RIMS2: variants seen among roughly 807,000 people sequenced by gnomAD.
RIMS2 encodes regulating synaptic membrane exocytosis 2, also known as regulating synaptic membrane exocytosis protein 2.
A neutral mutation model predicts 174.4 loss-of-function variants in RIMS2; 59 were observed. That is an observed-to-expected ratio of 0.34 (90% CI 0.27 to 0.42). The LOEUF (loss-of-function observed/expected upper bound fraction) is 0.42. RIMS2 is among the 10% of genes least tolerant of loss of function. RIMS2 has a pLI of 1.00. For missense variants in RIMS2, 1,620 were observed against 1,666.3 expected, an observed-to-expected ratio of 0.97 and a Z score of 0.48; for synonymous variants, 606 against 572.5, an observed-to-expected ratio of 1.06 and a Z score of -0.84.
At chr8:104,201,500 CAT>C (rs1469587163) in intron 19 of RIMS2, among the ~76,000 whole-genome samples, 3 of 152,020 alleles carry the variant, frequency 2.0e-5, no homozygotes, top group African/African-American at 7.2e-5. Flanking sequence ...AATTCGGCAT[CAT>C]AGATTTAAAT....
intron 19 of RIMS2, chr8:104,094,417 T>A (rs1202698494): frequency 1.8e-6 from 1 of 567,198 alleles, no homozygotes; most frequent in Non-Finnish European, 3.1e-6. Flanking sequence ...AAGTGTTTTT[T>A]CTTGACTTTC....
chr8:103,754,562 C>G (rs769671440), intron 2 of RIMS2, among the ~76,000 whole-genome samples: 3 of 152,112 alleles, frequency 2.0e-5, no homozygotes, highest in Non-Finnish European at 2.9e-5. Context: ...GTGTGGGAGT[C>G]TAAGTCTCTT....
At chr8:103,666,975 CAAACA>C (rs2096678588) in intron 1 of RIMS2, among the ~76,000 whole-genome samples, 1 of 152,056 alleles carries the variant, frequency 6.6e-6, no homozygotes, top group Admixed American at 6.6e-5. Context: ...TGACTGTATG[CAAACA>C]TTTAAAACTT....
chr8:104,097,721 G>A (rs1057284632), intron 19 of RIMS2, among the ~76,000 whole-genome samples: 1 of 152,102 alleles, frequency 6.6e-6, no homozygotes, highest in African/African-American at 2.4e-5. Context: ...TTTTGGAGCA[G>A]TTAGGATTTT....
At chr8:103,703,988 C>T (rs575588232) in intron 2 of RIMS2, among the ~76,000 whole-genome samples, 1 of 151,814 alleles carries the variant, frequency 6.6e-6, no homozygotes, top group African/African-American at 2.4e-5. Context: ...ATTTCTGTTG[C>T]CTAATTGCTT....
intron 3 of RIMS2, among the ~76,000 whole-genome samples, chr8:103,850,496 T>C (rs1410747714): frequency 2.6e-5 from 4 of 152,010 alleles, no homozygotes. Flanking sequence ...AACTGTCTGA[T>C]AGGAAGGATC....
chr8:103,583,945 A>G (rs186346291), intron 1 of RIMS2, among the ~76,000 whole-genome samples: 2 of 152,314 alleles, frequency 1.3e-5, no homozygotes, highest in African/African-American at 2.4e-5. Context: ...CTATAGAAAG[A>G]TATTATATCC....
chr8:103,671,833 C>T (rs1046135848), intron 1 of RIMS2, among the ~76,000 whole-genome samples: 1 of 152,122 alleles, frequency 6.6e-6, no homozygotes, highest in African/African-American at 2.4e-5. Context: ...ATAACGTATT[C>T]ATGAAAATAT....
chr8:104,038,394 G>A (rs1002773452), intron 19 of RIMS2, among the ~76,000 whole-genome samples: 3 of 151,804 alleles, frequency 2.0e-5, no homozygotes, highest in African/African-American at 7.2e-5. Flanking sequence ...CCTAAAAGAG[G>A]GAATACTTTT....
chr8:103,688,653 GT>G (rs2096972501), intron 1 of RIMS2, among the ~76,000 whole-genome samples: 1 of 151,912 alleles, frequency 6.6e-6, no homozygotes, highest in Non-Finnish European at 1.5e-5. Context: ...CTTCTATTCA[GT>G]TTTTTGGAAG....
intron 19 of RIMS2, among the ~76,000 whole-genome samples, chr8:104,100,984 TTATATAG>T (rs2097875500): frequency 1.5e-5 from 2 of 132,444 alleles, no homozygotes; most frequent in South Asian, 2.2e-4. Context: ...ATATGATATA[TTATATAG>T]TATATGTTAT....
At chr8:103,594,754 G>A (rs1171236117) in intron 1 of RIMS2, among the ~76,000 whole-genome samples, 1 of 151,748 alleles carries the variant, frequency 6.6e-6, no homozygotes, top group Non-Finnish European at 1.5e-5. Flanking sequence ...GACAAAGAAA[G>A]AAAATATAGA....
At chr8:104,214,294 A>G (rs1301979822) in intron 19 of RIMS2, among the ~76,000 whole-genome samples, 1 of 152,234 alleles carries the variant, frequency 6.6e-6, no homozygotes, top group Admixed American at 6.5e-5. Context: ...CTGTCTTGTT[A>G]GACGTGAGCC....
chr8:103,870,938 T>C (rs572401030), intron 3 of RIMS2, among the ~76,000 whole-genome samples: 1 of 152,234 alleles, frequency 6.6e-6, no homozygotes, highest in South Asian at 2.1e-4. Context: ...TTCAGAATGC[T>C]TGTCATGTTT....
At chr8:104,235,074 G>A (rs1031089090) in intron 19 of RIMS2, among the ~76,000 whole-genome samples, 1 of 152,048 alleles carries the variant, frequency 6.6e-6, no homozygotes, top group Non-Finnish European at 1.5e-5. Context: ...TTTTCATGAA[G>A]TCAGAATTTA....
rs78649000 is a variant in RIMS2, at chr8:103,929,406, G to A, written c.2244+1517G>A. 9.7e-3 allele frequency among the ~76,000 whole-genome samples: 1,478 copies of A among 151,620 alleles called. 19 individuals are homozygous for A. Among genetic ancestry groups the A allele is most frequent in the South Asian group, 0.046 (222 of 4,808 alleles). On this transcript the variant is annotated intron_variant, in intron 11 of 23. Coordinates refer to ENST00000504942, the Ensembl canonical transcript of RIMS2. The stretch of plus-strand genomic sequence containing the variant: ...AAGTACTTAGTTTAACCCCCCAAAA[G>A]GTTCTCATAGAAATCAATAATTTGC...
chr8:103,985,473 CAAAAAAAAAAAAAAAAAAA>C (rs58750334), intron 16 of RIMS2, among the ~76,000 whole-genome samples: 34 of 36,162 alleles, frequency 9.4e-4, no homozygotes, highest in Non-Finnish European at 1.3e-3. Context: ...GACTCTGTCT[CAAAAAAAAAAAAAAAAAAA>C]AAAAAAAAAA....
chr8:103,892,237 T>C (rs1352883803), intron 4 of RIMS2, among the ~76,000 whole-genome samples: 2 of 151,764 alleles, frequency 1.3e-5, no homozygotes, highest in African/African-American at 4.8e-5. Context: ...AGGGTCTCAC[T>C]CTGTTATCCA....
intron 6 of RIMS2, among the ~76,000 whole-genome samples, chr8:103,912,629 A>ATG (rs2075893700): frequency 6.6e-6 from 1 of 152,116 alleles, no homozygotes; most frequent in East Asian, 1.9e-4. Context: ...GTGTGTGTGC[A>ATG]TGTGTATGTG....
Sources: allele counts gnomAD v4.1 joint callset (sites outside exome capture counted in the v4.1 genomes callset), GRCh38; gene constraint gnomAD v4.1.1; transcripts MANE v1.5; gene names NCBI Gene and HGNC (gene_info 2026-07-23, HGNC 2026-07-21).